ZFHX3: variants seen among roughly 807,000 people sequenced by gnomAD.
ZFHX3 encodes the protein zinc finger homeobox 3.
Under a neutral mutation model 279.1 loss-of-function variants are expected in ZFHX3, and 42 were observed. That is an observed-to-expected ratio of 0.15 (90% CI 0.12 to 0.19). The LOEUF (loss-of-function observed/expected upper bound fraction) is 0.19. Among genes scored for constraint, ZFHX3 ranks in the 10% least tolerant of loss-of-function variants. ZFHX3 has a pLI of 1.00. For synonymous variants in ZFHX3, 2,293 were observed against 1,957.8 expected, an observed-to-expected ratio of 1.17 and a Z score of -4.52; for missense variants, 4,981 against 4,754.0, an observed-to-expected ratio of 1.05 and a Z score of -1.40.
At chr16:73,833,893 T>G (rs569479241) in intron 1 of ZFHX3, among the ~76,000 whole-genome samples, 1 of 151,278 alleles carries the variant, frequency 6.6e-6, no homozygotes, top group African/African-American at 2.4e-5. Flanking sequence ...TATATGTATA[T>G]GTATGTGTAT....
At chr16:73,068,211 G>A (rs976906179) in intron 8 of ZFHX3, among the ~76,000 whole-genome samples, 1 of 152,210 alleles carries the variant, frequency 6.6e-6, no homozygotes, top group Admixed American at 6.5e-5. Flanking sequence ...AAGTGGCTCA[G>A]CTTGAATTTG....
At chr16:72,843,642 A>T (rs1246015428) in intron 4 of ZFHX3, among the ~76,000 whole-genome samples, 1 of 151,918 alleles carries the variant, frequency 6.6e-6, no homozygotes, top group Non-Finnish European at 1.5e-5. Flanking sequence ...CAGTCAAACA[A>T]GACAGAAGCC....
chr16:73,294,805 C>T (rs1201139622), intron 4 of ZFHX3, among the ~76,000 whole-genome samples: 2 of 137,214 alleles, frequency 1.5e-5, no homozygotes, highest in Admixed American at 1.4e-4. Flanking sequence ...AAGTAAGACT[C>T]CATCTCAAAA....
intron 8 of ZFHX3, among the ~76,000 whole-genome samples, chr16:73,083,021 T>TAAA (rs71156139): frequency 1.4e-4 from 19 of 132,048 alleles, no homozygotes; most frequent in African/African-American, 4.0e-4. Flanking sequence ...CCATCTCTAC[T>TAAA]AAAAAAAAAA....
intron 1 of ZFHX3, among the ~76,000 whole-genome samples, chr16:73,890,739 G>C (rs1023774518): frequency 6.6e-6 from 1 of 152,116 alleles, no homozygotes; most frequent in Non-Finnish European, 1.5e-5. Context: ...ACGTGGAGCC[G>C]TGTTAAATTT....
chr16:73,799,972 C>A (rs924189631), intron 1 of ZFHX3, among the ~76,000 whole-genome samples: 2 of 152,042 alleles, frequency 1.3e-5, no homozygotes, highest in African/African-American at 4.8e-5. Context: ...AGGAGGATCT[C>A]CCCGAGATCA....
chr16:72,904,479 C>G (rs1297484314), intron 3 of ZFHX3, among the ~76,000 whole-genome samples: 1 of 152,072 alleles, frequency 6.6e-6, no homozygotes, highest in East Asian at 1.9e-4. Flanking sequence ...CTCCACTATT[C>G]CTCCTGGGTC....
At chr16:73,709,601 G>A (rs1446663591) in intron 1 of ZFHX3, among the ~76,000 whole-genome samples, 1 of 152,016 alleles carries the variant, frequency 6.6e-6, no homozygotes, top group African/African-American at 2.4e-5. Context: ...GTAGAGAGTA[G>A]AATGGTGATT....
At chr16:72,902,949 G>A (rs1021389823) in intron 3 of ZFHX3, among the ~76,000 whole-genome samples, 3 of 152,224 alleles carry the variant, frequency 2.0e-5, no homozygotes, top group African/African-American at 4.8e-5. Flanking sequence ...CTGAGGCCAA[G>A]TCTTGGTCTT....
intron 4 of ZFHX3, among the ~76,000 whole-genome samples, chr16:72,864,193 T>G (rs943254683): frequency 1.3e-5 from 2 of 152,154 alleles, no homozygotes; most frequent in Admixed American, 6.5e-5. Context: ...CCATCTTATG[T>G]TTGATTTTAA....
Position 73,493,010 on chromosome 16 carries a change from T to A in ZFHX3, c.-1546-36752A>T, listed in dbSNP as rs184131359. 9.2e-5 allele frequency among the ~76,000 whole-genome samples: 14 copies of A among 152,298 alleles called. No homozygotes were observed. The East Asian group carries it at 1.5e-3, about 17-fold the overall frequency. The stretch of plus-strand genomic sequence containing the variant: ...ATTTTATTATATATAACATATACTG[T>A]CATAAAAGAAATATTTTGCTCTATG... On this transcript the variant is annotated intron_variant, in intron 2 of 17. Coordinates refer to the ZFHX3 transcript ENST00000641206.
chr16:73,105,483 G>A (rs1966292427), intron 7 of ZFHX3, among the ~76,000 whole-genome samples: 1 of 135,414 alleles, frequency 7.4e-6, no homozygotes, highest in Non-Finnish European at 1.6e-5. Context: ...CAGGCGTGCT[G>A]GCTCACACCT....
intron 4 of ZFHX3, among the ~76,000 whole-genome samples, chr16:73,290,826 G>A (rs897468999): frequency 2.6e-5 from 4 of 152,176 alleles, no homozygotes; most frequent in Non-Finnish European, 5.9e-5. Context: ...TAGCTGTGTT[G>A]GGAGTAGAAT....
Position 73,173,770 on chromosome 16 carries a change from G to A in ZFHX3, c.-1103-29939C>T, listed in dbSNP as rs540123304. Among the ~76,000 whole-genome samples the A allele has an allele frequency of 2.6e-5, 4 of 152,234 alleles. No homozygotes were observed. The South Asian group carries it at 8.3e-4, about 32-fold the overall frequency. ...TTGGCCAAAGTCACAAGATAGCCACGGATATACCCTGCCATTCCCATGAAG... is the reference window on the plus strand; with the variant it reads ...TTGGCCAAAGTCACAAGATAGCCACAGATATACCCTGCCATTCCCATGAAG... On this transcript the variant is annotated intron_variant, in intron 5 of 17. Coordinates refer to the ZFHX3 transcript ENST00000641206.
chr16:73,173,004 T>G (rs1597202268), intron 5 of ZFHX3, among the ~76,000 whole-genome samples: 1 of 56,994 alleles, frequency 1.8e-5, no homozygotes, highest in Non-Finnish European at 3.3e-5. Flanking sequence ...TTGTTTTTTT[T>G]TTTGTTTTTT....
chr16:73,049,992 G>A (rs1265794680), upstream of ZFHX3, among the ~76,000 whole-genome samples: 4 of 152,174 alleles, frequency 2.6e-5, no homozygotes, highest in African/African-American at 4.8e-5. Context: ...GATGCCTCTG[G>A]CAATCTCTCC....
At chr16:73,880,249 G>T (rs2030099440) in intron 1 of ZFHX3, among the ~76,000 whole-genome samples, 1 of 152,142 alleles carries the variant, frequency 6.6e-6, no homozygotes, top group Non-Finnish European at 1.5e-5. Context: ...TCTTCCGGCA[G>T]GCAGAGAGGT....
intron 1 of ZFHX3, among the ~76,000 whole-genome samples, chr16:73,754,292 A>C (rs1597096092): frequency 6.6e-6 from 1 of 152,136 alleles, no homozygotes; most frequent in African/African-American, 2.4e-5. Flanking sequence ...GACCTATCCA[A>C]ATATGGTCTC....
intron 3 of ZFHX3, among the ~76,000 whole-genome samples, chr16:73,418,370 C>A (rs1259208000): frequency 6.6e-6 from 1 of 152,210 alleles, no homozygotes; most frequent in Non-Finnish European, 1.5e-5. Flanking sequence ...GGCCCGATCA[C>A]CTGGAATAGG....
Sources: allele counts gnomAD v4.1 joint callset (sites outside exome capture counted in the v4.1 genomes callset), GRCh38; gene constraint gnomAD v4.1.1; transcripts MANE v1.5; gene names NCBI Gene and HGNC (gene_info 2026-07-23, HGNC 2026-07-21).